TTN: variants seen among roughly 807,000 people sequenced by gnomAD.
TTN encodes the protein titin.
TTN carries 1,525 observed loss-of-function variants against 3,223.0 expected under a neutral mutation model. The ratio of observed to expected loss-of-function variants is 0.47; its 90% CI spans 0.45 to 0.49. TTN has a LOEUF of 0.49. Among genes scored for constraint, TTN ranks in the 20% least tolerant of loss-of-function variants. The pLI, the probability that TTN is intolerant of heterozygous loss-of-function variation, is 0.00. For synonymous variants in TTN, 14,094 were observed against 15,161.0 expected (o/e 0.93, Z 5.17); for missense variants, 40,786 against 43,424.0 (o/e 0.94, Z 5.40).
chr2:178,757,231 T>TACTGTAATTGCTTTAAGTA (rs1252574568), intron 45 of TTN, among the ~76,000 whole-genome samples: 1 of 148,874 alleles, frequency 6.7e-6, no homozygotes, highest in African/African-American at 2.5e-5. Context: ...TAAGTAATAA[T>TACTGTAATTGCTTTAAGTA]CAGCAAATAG....
chr2:178,663,786 T>C (rs751658806), intron 170 of TTN, 33 bp downstream of exon 170: 1 of 1,611,206 alleles, frequency 6.2e-7, no homozygotes, highest in South Asian at 1.1e-5. Context: ...AGCAAAAGAA[T>C]GAGATCTGAA....
chr2:178,587,227 G>A lies in TTN; in HGVS notation c.63984C>T (p.Thr21328=), dbSNP rs1215687824. 8.7e-6 allele frequency: 14 copies of A among 1,613,170 alleles called. No homozygotes were observed. The highest frequency in any genetic ancestry group is 1.1e-5 in the Non-Finnish European group (13 of 1,179,442). ...PEVKKTSFHV[T]NLVPGNEYYF... ...AATACTCATTCCCAGGGACAAGATTGGTTACATGGAAGCTTGTTTTCTTAA... is the reference window on the plus strand; with the variant it reads ...AATACTCATTCCCAGGGACAAGATTAGTTACATGGAAGCTTGTTTTCTTAA... Residue 21328 remains threonine (T), a synonymous_variant, in exon 307 of 363, where the codon ACC becomes ACT. Coordinates refer to ENST00000589042, the MANE Select transcript of TTN (RefSeq NM_001267550.2).
At position 178,723,379 on chromosome 2, in the gene TTN, T is replaced by G. The variant is rs1337395849; in HGVS notation, c.21682+39A>C. The G allele has an allele frequency of 1.9e-6, 3 of 1,604,342 alleles. No homozygotes were observed. The Admixed American group carries it at 5.1e-5, about 27-fold the overall frequency. ...CACAAGAAAAACACAAGGATGTCGGTATACAGAAAACAGAAAAAGTGAATC... is the reference window on the plus strand; with the variant it reads ...CACAAGAAAAACACAAGGATGTCGGGATACAGAAAACAGAAAAAGTGAATC... On this transcript the variant is annotated intron_variant, in intron 74 of 362. Transcript: ENST00000589042.
At position 178,635,302 on chromosome 2, in the gene TTN, G is replaced by A. The variant is rs377348248; in HGVS notation, c.41887C>T (p.Arg13963Cys). 1.4e-5 allele frequency: 22 copies of A among 1,612,790 alleles called. No homozygotes were observed. Among genetic ancestry groups the A allele is most frequent in the Non-Finnish European group, 1.6e-5 (19 of 1,179,454 alleles). ...RYPAKLTLGE[R>C]EVELLKPIED... ...ATTGGTTTAAGCAGTTCAACTTCAC[G>A]CTCTGTATTGGTCAGGGATGAAGTA... Residue 13963 changes from arginine to cysteine, a missense_variant and splice_region_variant, in exon 228 of 363, where the codon CGT (arginine) becomes TGT (cysteine). Transcript: ENST00000589042.
rs755224119 is a variant in TTN at position 178,599,163 on chromosome 2, G to C, written c.56630C>G (p.Thr18877Arg). The stretch of plus-strand genomic sequence containing the variant: ...CTACTTACAGAAGAGGTTTCTTGCT[G>C]TTTCAGGTTCACTGTCAAGAGGTTC... ...IGEPLDSEPE[T>R]ARNLFSVPGA... Residue 18877 changes from threonine (T) to arginine (R), a missense_variant, in exon 290 of 363, where the codon ACA (threonine) becomes AGA (arginine). Transcript: ENST00000589042. 1.3e-6 allele frequency: 2 copies of C among 1,505,058 alleles called. No homozygotes were observed. Among genetic ancestry groups the C allele is most frequent in the African/African-American group, 1.4e-5 (1 of 71,094 alleles). 93.2% of individuals were successfully genotyped at this position (1,505,058 alleles called of 1,614,324 possible).
At position 178,609,901 on chromosome 2, in the gene TTN, A is replaced by G. The variant is rs781614330; in HGVS notation, c.51522T>C (p.Asp17174=). The change falls in exon 272 of 363, where the codon GAT becomes GAC. Residue 17174 remains aspartate (D), a synonymous_variant. Coordinates refer to ENST00000589042, the MANE Select transcript of TTN (RefSeq NM_001267550.2). ...MTITWKPPLY[D]GGSKIMGYII... ...TGTAGCCCATTATCTTGCTCCCTCC[A>G]TCATACAAAGGTGGCTTCCATGTAA... is the stretch of plus-strand genomic sequence containing the variant. The G allele has an allele frequency of 1.9e-6, 3 of 1,612,934 alleles. No individual in the cohort carries two copies. Among genetic ancestry groups the G allele is most frequent in the Non-Finnish European group, 2.5e-6 (3 of 1,179,258 alleles).
intron 12 of TTN, among the ~76,000 whole-genome samples, 183 bp downstream of exon 12, chr2:178,789,795 A>C (rs2093393294): frequency 6.6e-6 from 1 of 152,182 alleles, no homozygotes; most frequent in South Asian, 2.1e-4. Context: ...AATGTTACAG[A>C]TGGATGAAAA....
At position 178,741,580 on chromosome 2, in the gene TTN, C is replaced by G. The variant is rs761154231; in HGVS notation, c.11653G>C (p.Glu3885Gln). 2 of 1,613,830 alleles carry G rather than the reference C, an allele frequency of 1.2e-6. No individual in the cohort carries two copies. The highest frequency in any genetic ancestry group is 1.7e-6 in the Non-Finnish European group (2 of 1,179,806). ...ATACATGTATACTCTCCCTCATCCT[C>G]CAATTTGGTGAACAGAATGATCAGG... The part of the protein sequence containing the change: ...HSLIILFTKL[E>Q]DEGEYTCMAS... Residue 3885 changes from glutamate (E) to glutamine (Q), a missense_variant, in exon 48 of 363, where the codon GAG becomes CAG. Physicochemically the swap from Glu to Gln is conservative, Grantham distance 29. Transcript: ENST00000589042.
Position 178,783,076 on chromosome 2 carries a change from A to G in TTN, c.2842-12T>C, listed in dbSNP as rs1308860748. 3.1e-6 allele frequency: 5 copies of G among 1,613,488 alleles called. No homozygotes were observed. Among genetic ancestry groups the G allele is most frequent in the Non-Finnish European group, 4.2e-6 (5 of 1,179,566 alleles). On this transcript the variant is annotated splice_polypyrimidine_tract_variant and intron_variant, in intron 17 of 362. Coordinates refer to ENST00000589042, the MANE Select transcript of TTN (RefSeq NM_001267550.2). ...ACATTTTTTAAGCCCTGAAGAGAGGAGAAAAAATAAATAATGATACGTGTG... is the reference window on the plus strand; with the variant it reads ...ACATTTTTTAAGCCCTGAAGAGAGGGGAAAAAATAAATAATGATACGTGTG...
At chr2:178,783,658 G>T in intron 17 of TTN, 62 bp downstream of exon 17, 1 of 1,350,116 alleles carries the variant, frequency 7.4e-7, no homozygotes, top group Non-Finnish European at 1.1e-6. Flanking sequence ...CTTTGCAAAC[G>T]TGTATTAAAA....
Position 178,731,436 on chromosome 2 carries a change from C to T in TTN, c.17330G>A (p.Arg5777Lys), listed in dbSNP as rs759657332. The change falls in exon 59 of 363, where the codon AGA becomes AAA. Residue 5777 changes from arginine (R) to lysine (K), a missense_variant. Transcript: ENST00000589042. ...SDEITEDDNI[R>K]MTFENNVASL... is the part of the protein sequence containing the mutation. ...GGCCACATTGTTCTCAAAGGTCATT[C>T]TTATATTATCGTCTTCAGTGATTTC... The T allele has an allele frequency of 2.5e-6, 4 of 1,613,618 alleles. No homozygotes were observed. The highest frequency in any genetic ancestry group is 1.1e-5 in the South Asian group (1 of 91,074).
chr2:178,549,703 T>C lies in TTN; in HGVS notation c.92019A>G (p.Lys30673=), dbSNP rs779897504. 6.2e-7 allele frequency: 1 copy of C among 1,613,750 alleles called. No individual in the cohort carries two copies. Among genetic ancestry groups the C allele is most frequent in the Admixed American group, 1.7e-5 (1 of 60,008 alleles). ...TGGCAGTGTAACTTTGGGCTTCACA[T>C]TTATCCTCAATTAGTGCCCAGGCAA... is the stretch of plus-strand genomic sequence containing the variant. The part of the protein sequence containing the change: ...SRLAWALIED[K]CEAQSYTAIK... Residue 30673 remains lysine, a synonymous_variant, in exon 338 of 363, where the codon AAA becomes AAG. Coordinates refer to ENST00000589042, the MANE Select transcript of TTN (RefSeq NM_001267550.2).
chr2:178,590,081 G>T lies in TTN; in HGVS notation c.61644C>A (p.Ile20548=). 2 of 1,613,202 alleles carry T rather than the reference G, an allele frequency of 1.2e-6. No individual in the cohort carries two copies. The highest frequency in any genetic ancestry group is 1.1e-5 in the South Asian group (1 of 91,046). Residue 20548 remains isoleucine, a synonymous_variant, in exon 304 of 363, where the codon ATC becomes ATA. Coordinates refer to ENST00000589042, the MANE Select transcript of TTN (RefSeq NM_001267550.2). Reference sequence around the variant, plus strand: ...GTCCACTGCTGTTCTTAGCTGAGATGATATACTTGCCATGATCAGCTCTAA... The same window carrying T: ...GTCCACTGCTGTTCTTAGCTGAGATTATATACTTGCCATGATCAGCTCTAA... The part of the protein sequence containing the change: ...EAVRADHGKY[I]ISAKNSSGHA...
Position 178,665,748 on chromosome 2 carries a change from G to A in TTN, c.35919C>T (p.Pro11973=). Residue 11973 remains proline, a synonymous_variant, in exon 164 of 363, where the codon CCC becomes CCT. Transcript: ENST00000589042. ...TTTCAATTTCAAGGGGAGCAGCCAT[G>A]GGTGTTTCCTTTACAGGGACAATTT... ...PREIVPVKET[P]MAAPLEIEIP... The A allele has an allele frequency of 7.6e-7, 1 of 1,323,224 alleles. No homozygotes were observed. Among genetic ancestry groups the A allele is most frequent in the Non-Finnish European group, 9.6e-7 (1 of 1,042,870 alleles). The allele number at this position is 1,323,224 out of a possible 1,614,324, so 82.0% of individuals were successfully genotyped here.
In TTN at chr2:178,733,657, A is replaced by G; in HGVS notation, c.15732T>C (p.Asn5244=). 1 of 1,612,826 alleles carries G rather than the reference A, an allele frequency of 6.2e-7. No individual in the cohort carries two copies. Among genetic ancestry groups the G allele is most frequent in the Admixed American group, 1.7e-5 (1 of 59,998 alleles). The change falls in exon 53 of 363, where the codon AAT becomes AAC. Residue 5244 remains asparagine (N), a synonymous_variant. Transcript: ENST00000589042. ...FGGKYTCLAE[N]EAGSQTSVGE... ...CAACAGATGTTTGGCTTCCAGCTTC[A>G]TTTTCAGCCAGGCACGTGTATTTGC...
Position 178,717,667 on chromosome 2 carries a change from C to A in TTN, c.25207G>T (p.Asp8403Tyr), listed in dbSNP as rs779553584. The change falls in exon 87 of 363, where the codon GAT becomes TAT. Residue 8403 changes from aspartate to tyrosine, a missense_variant. By Grantham distance (160) the Asp-to-Tyr change is radical. Coordinates refer to ENST00000589042, the MANE Select transcript of TTN (RefSeq NM_001267550.2). ...ACAAAAGATGTCTGCAAATTAGCATCATCTTTCAAAAGAACCCCATCCTTG... is the reference window on the plus strand; with the variant it reads ...ACAAAAGATGTCTGCAAATTAGCATAATCTTTCAAAAGAACCCCATCCTTG... The part of the protein sequence containing the change: ...WYKDGVLLKD[D>Y]ANLQTSFVHN... 4 of 1,613,322 alleles carry A rather than the reference C, an allele frequency of 2.5e-6. No individual in the cohort carries two copies. Among genetic ancestry groups the A allele is most frequent in the African/African-American group, 2.7e-5 (2 of 74,902 alleles).
chr2:178,646,426 A>G (rs1256925845), intron 216 of TTN, 59 bp downstream of exon 216: 13 of 1,178,908 alleles, frequency 1.1e-5, no homozygotes, highest in South Asian at 6.7e-5. Flanking sequence ...AACATAAACC[A>G]TATACATTTC....
rs550862331 is a variant in TTN at position 178,699,813 on chromosome 2, G to A, written c.30683-899C>T. Among the ~76,000 whole-genome samples, 9 of 134,964 alleles carry A rather than the reference G, an allele frequency of 6.7e-5. No individual in the cohort carries two copies. In the South Asian group the frequency reaches 1.4e-3, roughly 21 times the overall value. 88.5% of individuals were successfully genotyped at this position (134,964 alleles called of 152,430 possible). A position where few individuals can be genotyped will look rare whatever the true frequency, so the allele number is the denominator to read the frequency against. On this transcript the variant is annotated intron_variant, in intron 111 of 362. Transcript: ENST00000589042. ...TCGATCTCGGCTCATTGCAAGCTCC[G>A]CCTCCCGGGTTCACGCCATTCTCCT...
chr2:178,747,316 A>G, intron 47 of TTN: 1 of 1,613,352 alleles, frequency 6.2e-7, no homozygotes, highest in Non-Finnish European at 8.5e-7. Flanking sequence ...AAGGTGTGGA[A>G]TATCTTTCAA....
Sources: gnomAD v4.1 joint callset for allele counts (sites outside exome capture counted in the v4.1 genomes callset) on GRCh38, gnomAD v4.1.1 for gene constraint, MANE v1.5 for transcripts, NCBI Gene and HGNC (gene_info 2026-07-23, HGNC 2026-07-21) for gene names.